The following STK32B variants were observed in gnomAD, a reference collection of about 807,000 sequenced individuals.
STK32B encodes the protein serine/threonine kinase 32B, also known as serine/threonine-protein kinase 32B.
A neutral mutation model predicts 52.6 loss-of-function variants in STK32B; 43 were observed. The ratio of observed to expected loss-of-function variants is 0.82; its 90% CI spans 0.64 to 1.05. The LOEUF (loss-of-function observed/expected upper bound fraction) is 1.05. Among genes scored for constraint, STK32B ranks in the 50% least tolerant of loss-of-function variants. The probability of loss-of-function intolerance (pLI) is 0.00; values close to 1 mark genes in which losing one functional copy is unlikely to be tolerated. For missense variants in STK32B, 621 were observed against 534.6 expected (o/e 1.16, Z -1.59); for synonymous variants, 238 against 204.3 (o/e 1.17, Z -1.41).
intron 1 of STK32B, among the ~76,000 whole-genome samples, chr4:5,096,593 G>A (rs1404576693): frequency 6.6e-6 from 1 of 152,150 alleles, no homozygotes; most frequent in Non-Finnish European, 1.5e-5. Context: ...TTGAATTCGA[G>A]GTGTGCCTTT....
At chr4:5,319,653 C>T (rs1731354940) in intron 3 of STK32B, among the ~76,000 whole-genome samples, 1 of 152,188 alleles carries the variant, frequency 6.6e-6, no homozygotes, top group Non-Finnish European at 1.5e-5. Flanking sequence ...GGACCATTGT[C>T]CTTGCTCTCT....
intron 4 of STK32B, among the ~76,000 whole-genome samples, chr4:5,363,129 A>AT (rs2109001306): frequency 6.6e-6 from 1 of 152,310 alleles, no homozygotes; most frequent in South Asian, 2.1e-4. Flanking sequence ...TCATCAATAT[A>AT]TCCCCAAAGC....
At chr4:5,299,684 TGAA>T (rs1425539223) in intron 3 of STK32B, among the ~76,000 whole-genome samples, 3 of 152,246 alleles carry the variant, frequency 2.0e-5, no homozygotes, top group African/African-American at 7.2e-5. Flanking sequence ...TGCTATAGTT[TGAA>T]GTCAGGTAAT....
intron 2 of STK32B, among the ~76,000 whole-genome samples, chr4:5,159,384 C>T (rs984425353): frequency 2.0e-4 from 30 of 151,184 alleles, no homozygotes; most frequent in African/African-American, 7.3e-4. Context: ...AATTCTGATC[C>T]TGGCTGGCTC....
intron 3 of STK32B, among the ~76,000 whole-genome samples, chr4:5,173,220 A>G (rs910118069): frequency 4.0e-5 from 6 of 149,892 alleles, no homozygotes; most frequent in East Asian, 3.9e-4. Flanking sequence ...TTAGTCTTGC[A>G]GTCTATCAAT....
At chr4:5,245,498 G>C (rs6446342) in intron 3 of STK32B, among the ~76,000 whole-genome samples, 39,454 of 152,036 alleles carry the variant, frequency 0.26, 6,263 homozygotes, top group African/African-American at 0.44. Flanking sequence ...CTGAATACAG[G>C]ACACTGATGG....
intron 4 of STK32B, among the ~76,000 whole-genome samples, chr4:5,367,582 C>T (rs1197951101): frequency 6.6e-6 from 1 of 152,186 alleles, no homozygotes; most frequent in Non-Finnish European, 1.5e-5. Context: ...CTAAAGCTCC[C>T]TCTGGCTTGT....
At chr4:5,406,802 C>G (rs1486345581) in intron 5 of STK32B, among the ~76,000 whole-genome samples, 2 of 152,130 alleles carry the variant, frequency 1.3e-5, no homozygotes, top group Non-Finnish European at 2.9e-5. Context: ...TTTTAGGCCT[C>G]CAGGCCTATG....
intron 3 of STK32B, among the ~76,000 whole-genome samples, chr4:5,249,433 T>A (rs11723675): frequency 0.68 from 94,067 of 138,132 alleles, 32,579 homozygotes; most frequent in African/African-American, 0.72. Context: ...CTTCCTTCCT[T>A]CCTACCTACC....
chr4:5,185,456 G>C (rs1450965610), intron 3 of STK32B, among the ~76,000 whole-genome samples: 1 of 152,218 alleles, frequency 6.6e-6, no homozygotes, highest in Non-Finnish European at 1.5e-5. Context: ...TACATTTTAA[G>C]TGTTGAGAGC....
intron 9 of STK32B, among the ~76,000 whole-genome samples, chr4:5,461,076 C>T (rs900171864): frequency 6.6e-6 from 1 of 152,162 alleles, no homozygotes; most frequent in Non-Finnish European, 1.5e-5. Flanking sequence ...TGAGCAGTTG[C>T]ATTTCTCCTA....
At chr4:5,327,372 A>C (rs190363741) in intron 3 of STK32B, among the ~76,000 whole-genome samples, 293 of 151,344 alleles carry the variant, frequency 1.9e-3, no homozygotes, top group Non-Finnish European at 3.8e-3. Context: ...GATCCATCAA[A>C]GCAATCACTA....
intron 3 of STK32B, among the ~76,000 whole-genome samples, chr4:5,182,797 A>G (rs962805623): frequency 2.0e-5 from 3 of 151,940 alleles, no homozygotes; most frequent in African/African-American, 4.8e-5. Flanking sequence ...GTGAAGGTCA[A>G]GATTACTCCT....
At chr4:5,316,179 C>T (rs867119013) in intron 3 of STK32B, among the ~76,000 whole-genome samples, 26 of 68,694 alleles carry the variant, frequency 3.8e-4, no homozygotes, top group African/African-American at 1.9e-3. Flanking sequence ...ATATATATAA[C>T]TAAATATATA....
At chr4:5,448,331 C>T (rs1715659136) in intron 7 of STK32B, among the ~76,000 whole-genome samples, 1 of 152,224 alleles carries the variant, frequency 6.6e-6, no homozygotes, top group East Asian at 1.9e-4. Flanking sequence ...GGTGTTCCTG[C>T]TCGGTTCGTT....
At chr4:5,337,142 C>T (rs912163658) in intron 4 of STK32B, among the ~76,000 whole-genome samples, 1 of 48,810 alleles carries the variant, frequency 2.0e-5, no homozygotes, top group African/African-American at 5.2e-5. Flanking sequence ...CCATCCCTGG[C>T]CAATTTTTTT....
At chr4:5,135,011 G>T (rs1715991940) in intron 1 of STK32B, among the ~76,000 whole-genome samples, 1 of 152,186 alleles carries the variant, frequency 6.6e-6, no homozygotes, top group African/African-American at 2.4e-5. Context: ...AGAGCCCACT[G>T]GCATGTAAAG....
rs1188646173 is a variant in STK32B, at chr4:5,378,150, C to A, written c.435-20057C>A. ...AGAACTGAAAAAGGAGTAACTGCCT[C>A]CCCGTCTGTCTGAGTGTTCATTCAT... On this transcript the variant is annotated intron_variant, in intron 4 of 11. Transcript: ENST00000282908. This position sits in a 1 kb window ranked among gnomAD's most constrained non-coding sequence, Gnocchi z 4.4. 6.6e-6 allele frequency among the ~76,000 whole-genome samples: 1 copy of A among 152,192 alleles called. No homozygotes were observed. The highest frequency in any genetic ancestry group is 1.5e-5 in the Non-Finnish European group (1 of 68,044).
chr4:5,152,626 T>C (rs1300753848), intron 2 of STK32B, among the ~76,000 whole-genome samples: 1 of 152,256 alleles, frequency 6.6e-6, no homozygotes, highest in Non-Finnish European at 1.5e-5. Context: ...CTGGTGGCTG[T>C]AGATGAAAAG....
Sources: gnomAD v4.1 joint callset for allele counts (sites outside exome capture counted in the v4.1 genomes callset) on GRCh38, gnomAD v4.1.1 for gene constraint, Gnocchi (gnomAD v3.1) non-coding constraint, MANE v1.5 for transcripts, NCBI Gene and HGNC (gene_info 2026-07-23, HGNC 2026-07-21) for gene names.